The following GUCY1A2 variants were observed in gnomAD, a reference collection of about 807,000 sequenced individuals.
The protein encoded by GUCY1A2 is guanylate cyclase soluble subunit alpha-2.
In GUCY1A2, 27 loss-of-function variants were observed where a neutral mutation model predicts 63.5. The ratio of observed to expected loss-of-function variants is 0.43; its 90% CI spans 0.31 to 0.59. The LOEUF is 0.59. Among genes scored for constraint, GUCY1A2 ranks in the 20% least tolerant of loss-of-function variants. The pLI is 0.11. For synonymous variants in GUCY1A2, 364 were observed against 343.5 expected, an observed-to-expected ratio of 1.06 and a Z score of -0.66; for missense variants, 768 against 913.3, an observed-to-expected ratio of 0.84 and a Z score of 2.05.
rs921561730 is a variant in GUCY1A2, at chr11:106,874,808, TA to T, written c.1207-64331del. On this transcript the variant is annotated intron_variant, in intron 4 of 7. Transcript: ENST00000526355. ...AAAAATATTGTAATATTTAATCTTT[TA>T]AAAAAAAACTTGGTTAAAGTTTCTC... is the stretch of plus-strand genomic sequence containing the variant. Among the ~76,000 whole-genome samples, 19 of 151,586 alleles carry T rather than the reference TA, an allele frequency of 1.3e-4. No individual in the cohort carries two copies. In the East Asian group the frequency reaches 2.1e-3, roughly 17 times the overall value.
At chr11:106,886,264 T>C (rs1429167926) in intron 4 of GUCY1A2, among the ~76,000 whole-genome samples, 1 of 152,166 alleles carries the variant, frequency 6.6e-6, no homozygotes, top group Admixed American at 6.5e-5. Context: ...CTTCCATCCT[T>C]TCCTCCTTCC....
In GUCY1A2 at chr11:106,774,516, T is replaced by C. The variant is rs146373694; in HGVS notation, c.1836+1923A>G. Among the ~76,000 whole-genome samples, 504 of 152,132 alleles carry C rather than the reference T, an allele frequency of 3.3e-3. 8 individuals are homozygous for C. Among genetic ancestry groups the C allele is most frequent in the Non-Finnish European group, 2.2e-3 (149 of 68,018 alleles). ...GGGTTTAGTTTTGGATTCCTATGGT[T>C]TAACTTTTGCAGAATTCTTTGGAAT... On this transcript the variant is annotated intron_variant, in intron 6 of 7. Coordinates refer to ENST00000526355, the MANE Select transcript of GUCY1A2 (RefSeq NM_000855.3).
At chr11:106,702,799 G>A (rs1424674688) in intron 7 of GUCY1A2, among the ~76,000 whole-genome samples, 3 of 151,726 alleles carry the variant, frequency 2.0e-5, no homozygotes, top group Non-Finnish European at 4.4e-5. Flanking sequence ...CCTTCTTGTA[G>A]GAAGAATAAC....
rs539350776 is a variant in GUCY1A2, at chr11:106,685,110, G to A, written c.*2439C>T. 6 of 206,868 alleles carry A rather than the reference G, an allele frequency of 2.9e-5. No homozygotes were observed. The highest frequency in any genetic ancestry group is 1.9e-4 in the South Asian group (1 of 5,304). 12.8% of individuals were successfully genotyped at this position (206,868 alleles called of 1,614,324 possible). A position where few individuals can be genotyped will look rare whatever the true frequency, so the allele number is the denominator to read the frequency against. Reference sequence around the variant, plus strand: ...TGGACCATTATCTCGGACTATAGCTGTGAAAATACACTTAGGTTATAATGT... The same window carrying A: ...TGGACCATTATCTCGGACTATAGCTATGAAAATACACTTAGGTTATAATGT... On this transcript the variant is annotated 3_prime_UTR_variant, in exon 8 of 8. Transcript: ENST00000526355.
At chr11:106,724,462 C>T (rs925361076) in intron 6 of GUCY1A2, among the ~76,000 whole-genome samples, 1 of 152,232 alleles carries the variant, frequency 6.6e-6, no homozygotes, top group African/African-American at 2.4e-5. Context: ...CCATCTCACT[C>T]TCTCTGGTCA....
rs965045853 is a variant in GUCY1A2 at position 106,685,949 on chromosome 11, T to G, written c.*1600A>C. On this transcript the variant is annotated 3_prime_UTR_variant, in exon 8 of 8. Transcript: ENST00000526355. ...ATTTAAAAACATTAAATGAACCTCA[T>G]AGACTACATTGGAAATTAGTAAATA... 12 of 223,014 alleles carry G rather than the reference T, an allele frequency of 5.4e-5. No homozygotes were observed. The highest frequency in any genetic ancestry group is 1.1e-4 in the Non-Finnish European group (12 of 111,632). The allele number at this position is 223,014 out of a possible 1,614,324, so 13.8% of individuals were successfully genotyped here.
At chr11:106,827,663 G>A (rs956025830) in intron 4 of GUCY1A2, 109 of 1,541,096 alleles carry the variant, frequency 7.1e-5, no homozygotes, top group Non-Finnish European at 9.1e-5. Flanking sequence ...TGTTGGGAAA[G>A]CGTTTTTCTA....
intron 6 of GUCY1A2, among the ~76,000 whole-genome samples, chr11:106,761,689 C>T (rs1005795841): frequency 6.6e-6 from 1 of 152,008 alleles, no homozygotes; most frequent in South Asian, 2.1e-4. Flanking sequence ...CATAAACAAC[C>T]CTTGAAGCAC....
At chr11:106,741,747 G>T (rs546454320) in intron 6 of GUCY1A2, among the ~76,000 whole-genome samples, 1 of 152,288 alleles carries the variant, frequency 6.6e-6, no homozygotes, top group African/African-American at 2.4e-5. Context: ...TGATAATGAT[G>T]AGAAGACAAA....
At position 106,904,566 on chromosome 11, in the gene GUCY1A2, G is replaced by A. The variant is rs182255119; in HGVS notation, c.1206+34894C>T. On this transcript the variant is annotated intron_variant, in intron 4 of 7. Transcript: ENST00000526355. ...TTTTTACATGAATTAATTTTGATAC[G>A]ATGGGCTTTTTAAAGCTTTTTTTAA... Among the ~76,000 whole-genome samples the A allele has an allele frequency of 2.0e-3, 307 of 152,022 alleles. 3 individuals are homozygous for A. The highest frequency in any genetic ancestry group is 4.1e-3 in the African/African-American group (171 of 41,488).
rs138745116 is a variant in GUCY1A2 at position 106,985,931 on chromosome 11, T to C, written c.365+139A>G. On this transcript the variant is annotated intron_variant, in intron 2 of 7. Coordinates refer to ENST00000526355, the MANE Select transcript of GUCY1A2 (RefSeq NM_000855.3). ...TCCAAGGGACTCCCCCAATAAGCCT[T>C]CACGCCCCACACTATGAAAACATAG... 503 of 622,496 alleles carry C rather than the reference T, an allele frequency of 8.1e-4. 9 individuals are homozygous for C. In the East Asian group the frequency reaches 0.014, roughly 17 times the overall value. 38.6% of individuals were successfully genotyped at this position (622,496 alleles called of 1,614,324 possible). A position where few individuals can be genotyped will look rare whatever the true frequency, so the allele number is the denominator to read the frequency against.
At chr11:106,723,562 C>T (rs538336184) in intron 6 of GUCY1A2, among the ~76,000 whole-genome samples, 16 of 152,336 alleles carry the variant, frequency 1.1e-4, no homozygotes, top group African/African-American at 3.4e-4. Flanking sequence ...CAGTGGCTCA[C>T]GCCTGTAATC....
chr11:106,720,529 T>G (rs1405140328), intron 6 of GUCY1A2, among the ~76,000 whole-genome samples: 7 of 152,210 alleles, frequency 4.6e-5, no homozygotes, highest in Non-Finnish European at 7.3e-5. Flanking sequence ...TTAACCCTTT[T>G]TTTTCATTAT....
chr11:106,827,644 TA>T, intron 4 of GUCY1A2: 1 of 1,532,156 alleles, frequency 6.5e-7, no homozygotes, highest in Non-Finnish European at 9.0e-7. Context: ...CCAGATTCTA[TA>T]ACCTTGATGT....
chr11:106,830,771 GT>G (rs2135436773), intron 4 of GUCY1A2, among the ~76,000 whole-genome samples: 1 of 152,166 alleles, frequency 6.6e-6, no homozygotes, highest in South Asian at 2.1e-4. Context: ...TATCCTATTA[GT>G]TCCGACCCTC....
rs143613790 is a variant in GUCY1A2, at chr11:106,681,346, T to C, written c.*6203A>G. The stretch of plus-strand genomic sequence containing the variant: ...AAATCTGCCGCAAGACCCATCTATA[T>C]TTTTGCAAAGCCTACTTTCTCAATC... On this transcript the variant is annotated 3_prime_UTR_variant, in exon 8 of 8. Transcript: ENST00000526355. 607 of 226,492 alleles carry C rather than the reference T, an allele frequency of 2.7e-3. 4 individuals are homozygous for C. Among genetic ancestry groups the C allele is most frequent in the African/African-American group, 0.012 (526 of 45,122 alleles). 14.0% of individuals were successfully genotyped at this position (226,492 alleles called of 1,614,324 possible).
Position 106,978,653 on chromosome 11 carries a change from G to C in GUCY1A2, c.453C>G (p.Val151=), listed in dbSNP as rs147261976. Residue 151 remains valine, a synonymous_variant, in exon 3 of 8, where the codon GTC becomes GTG. Transcript: ENST00000526355. ...DHSNKEEIED[V]SGILQCTANI... is the part of the protein sequence containing the mutation. ...TAGCAGTACACTGAAGAATTCCTGA[G>C]ACATCTTCAATTTCTTCTTTGTTGG... 2.2e-5 allele frequency: 34 copies of C among 1,551,648 alleles called. No homozygotes were observed. Among genetic ancestry groups the C allele is most frequent in the African/African-American group, 4.1e-5 (3 of 73,614 alleles).
intron 7 of GUCY1A2, among the ~76,000 whole-genome samples, chr11:106,707,441 A>G (rs182885512): frequency 1.3e-4 from 20 of 152,132 alleles, no homozygotes; most frequent in Admixed American, 1.3e-4. Flanking sequence ...TATTCCTACT[A>G]TACATTTTTT....
chr11:106,898,448 T>C (rs1860081183), intron 4 of GUCY1A2, among the ~76,000 whole-genome samples: 1 of 152,182 alleles, frequency 6.6e-6, no homozygotes, highest in Non-Finnish European at 1.5e-5. Flanking sequence ...GCAACCAAGA[T>C]GTCCTTCTAT....
Sources: gnomAD v4.1 joint callset for allele counts (sites outside exome capture counted in the v4.1 genomes callset) on GRCh38, gnomAD v4.1.1 for gene constraint, MANE v1.5 for transcripts, NCBI Gene and HGNC (gene_info 2026-07-23, HGNC 2026-07-21) for gene names.